Variants in NRXN1 observed in about 807,000 individuals in gnomAD.
NRXN1 encodes neurexin-1.
A neutral mutation model predicts 150.9 loss-of-function variants in NRXN1; 39 were observed. The ratio of observed to expected loss-of-function variants is 0.26; its 90% CI spans 0.20 to 0.34. NRXN1 has a LOEUF of 0.34. Among genes scored for constraint, NRXN1 ranks in the 10% least tolerant of loss-of-function variants. The probability of loss-of-function intolerance (pLI) is 1.00; values close to 1 mark genes in which losing one functional copy is unlikely to be tolerated. For synonymous variants in NRXN1, 924 were observed against 757.0 expected (o/e 1.22, Z -3.62); for missense variants, 1,815 against 1,949.9 (o/e 0.93, Z 1.30).
At chr2:50,636,849 A>C (rs901352826) in intron 5 of NRXN1, among the ~76,000 whole-genome samples, 2 of 152,192 alleles carry the variant, frequency 1.3e-5, no homozygotes, top group Non-Finnish European at 2.9e-5. Flanking sequence ...TTTGTCCCCA[A>C]ATTTAAAGTA....
intron 17 of NRXN1, among the ~76,000 whole-genome samples, chr2:50,277,808 C>T (rs1046899511): frequency 1.3e-5 from 2 of 151,952 alleles, no homozygotes; most frequent in African/African-American, 4.8e-5. Context: ...AGGGTGCACC[C>T]ATCTTTATTT....
intron 8 of NRXN1, chr2:50,554,422 T>G (rs1173026652): frequency 6.6e-6 from 1 of 152,174 alleles, no homozygotes; most frequent in Non-Finnish European, 1.5e-5. Context: ...GGTATTGGAC[T>G]TCCTGAGTTC....
chr2:49,934,478 A>T (rs1670664881), intron 22 of NRXN1, among the ~76,000 whole-genome samples: 1 of 152,134 alleles, frequency 6.6e-6, no homozygotes. Flanking sequence ...GCTTTGGGTG[A>T]TCATCTTTAT....
rs1668173421 is a variant in NRXN1 at position 50,555,914 on chromosome 2, G to A, written c.1321-2889C>T. ...ATAAATTCCTTTTAGAACGAAGAAT[G>A]CCTGAGTTAAAACTCTCCAGAGGTT... is the stretch of plus-strand genomic sequence containing the variant. On this transcript the variant is annotated intron_variant, in intron 8 of 22. Transcript: ENST00000401669. Among the ~76,000 whole-genome samples, 3 of 152,156 alleles carry A rather than the reference G, an allele frequency of 2.0e-5. 1 individual carries two copies. The South Asian group carries it at 6.2e-4, about 31-fold the overall frequency.
chr2:50,533,025 T>C (rs1394792618), intron 10 of NRXN1, among the ~76,000 whole-genome samples: 2 of 152,310 alleles, frequency 1.3e-5, no homozygotes, highest in Non-Finnish European at 2.9e-5. Flanking sequence ...ATTAGGACTA[T>C]ATTTAGAGTT....
At chr2:50,067,185 T>C (rs1664218244) in intron 19 of NRXN1, among the ~76,000 whole-genome samples, 1 of 152,216 alleles carries the variant, frequency 6.6e-6, no homozygotes, top group South Asian at 2.1e-4. Flanking sequence ...CAGAGTTCAA[T>C]GGTGCTTTGG....
intron 17 of NRXN1, among the ~76,000 whole-genome samples, chr2:50,252,233 C>CTTTTTTTTTTTTTTTT (rs55993018): frequency 2.1e-5 from 2 of 94,914 alleles, no homozygotes; most frequent in African/African-American, 4.2e-5. Flanking sequence ...ACATTTTGTC[C>CTTTTTTTTTTTTTTTT]TTTTTTTTTT....
intron 18 of NRXN1, among the ~76,000 whole-genome samples, chr2:50,225,402 T>C (rs1157283656): frequency 1.3e-5 from 2 of 151,986 alleles, no homozygotes; most frequent in Non-Finnish European, 2.9e-5. Flanking sequence ...ATACATAGTA[T>C]TATACATTGT....
At chr2:50,921,980 C>T (rs1686111891) in intron 4 of NRXN1, 100 bp from the exon 5 acceptor site, 1 of 565,052 alleles carries the variant, frequency 1.8e-6, no homozygotes, top group East Asian at 3.2e-5. Flanking sequence ...TATGTAAAGC[C>T]ACTACTCTCT....
intron 17 of NRXN1, among the ~76,000 whole-genome samples, chr2:50,239,436 T>C (rs1477735552): frequency 6.6e-6 from 1 of 150,962 alleles, no homozygotes; most frequent in Admixed American, 6.7e-5. Flanking sequence ...ATTATATAAG[T>C]GTGAGGTAAG....
chr2:50,057,083 T>A (rs569628530), intron 19 of NRXN1, among the ~76,000 whole-genome samples: 14 of 152,298 alleles, frequency 9.2e-5, no homozygotes, highest in African/African-American at 3.4e-4. Flanking sequence ...ATTTTCCATA[T>A]AAGCCAATAT....
intron 17 of NRXN1, among the ~76,000 whole-genome samples, chr2:50,355,522 T>G (rs964693316): frequency 2.0e-5 from 3 of 152,074 alleles, no homozygotes; most frequent in African/African-American, 7.2e-5. Context: ...GCCACATGAA[T>G]TTCTCACTCT....
In NRXN1 at chr2:50,950,921, T is replaced by C. The variant is rs947868256; in HGVS notation, c.773-24966A>G. On this transcript the variant is annotated intron_variant, in intron 2 of 22. Transcript: ENST00000401669. ...GAGAGTTCTAGTCTGTAATCAGTGGTCAGTGAAATTATGTCATGGCTGTTT... is the reference window on the plus strand; with the variant it reads ...GAGAGTTCTAGTCTGTAATCAGTGGCCAGTGAAATTATGTCATGGCTGTTT... Among the ~76,000 whole-genome samples the C allele has an allele frequency of 2.6e-5, 4 of 152,310 alleles. No homozygotes were observed. The East Asian group carries it at 7.7e-4, about 29-fold the overall frequency.
chr2:49,935,892 C>T (rs1352667829), intron 22 of NRXN1, among the ~76,000 whole-genome samples: 1 of 152,202 alleles, frequency 6.6e-6, no homozygotes, highest in Non-Finnish European at 1.5e-5. Context: ...GTGCTACATT[C>T]CTCCCTTCAA....
rs1407147470 is a variant in NRXN1, at chr2:50,627,394, T to TGC, written c.833-3781_833-3780dup. Among the ~76,000 whole-genome samples the TGC allele has an allele frequency of 8.6e-4, 100 of 115,906 alleles. 1 individual carries two copies. Among genetic ancestry groups the TGC allele is most frequent in the South Asian group, 6.3e-3 (22 of 3,496 alleles). 76.0% of individuals were successfully genotyped at this position (115,906 alleles called of 152,430 possible). ...GTGTGTGTGTGTGTGTGTGTGTGTG[T>TGC]GCGCATACTAATAATTATATATGAA... On this transcript the variant is annotated intron_variant, in intron 5 of 22. Transcript: ENST00000401669.
chr2:50,948,644 T>C lies in NRXN1; in HGVS notation c.773-22689A>G, dbSNP rs543338510. Reference sequence around the variant, plus strand: ...CTAATACATACTGCCCCATTTAATCTTAGAGTAGGCTTCTAAAATAATAGT... The same window carrying C: ...CTAATACATACTGCCCCATTTAATCCTAGAGTAGGCTTCTAAAATAATAGT... On this transcript the variant is annotated intron_variant, in intron 2 of 22. Coordinates refer to ENST00000401669, the MANE Select transcript of NRXN1 (RefSeq NM_001330078.2). Among the ~76,000 whole-genome samples, 12 of 152,128 alleles carry C rather than the reference T, an allele frequency of 7.9e-5. No individual in the cohort carries two copies. In the East Asian group the frequency reaches 2.3e-3, roughly 29 times the overall value.
chr2:50,990,038 C>T (rs907819501), intron 2 of NRXN1, among the ~76,000 whole-genome samples: 8 of 151,930 alleles, frequency 5.3e-5, no homozygotes, highest in African/African-American at 1.9e-4. Flanking sequence ...TGTGGTAGCT[C>T]ATTGTGACTT....
chr2:50,594,247 C>T (rs1047804950), intron 8 of NRXN1, among the ~76,000 whole-genome samples: 1 of 152,154 alleles, frequency 6.6e-6, no homozygotes, highest in Non-Finnish European at 1.5e-5. Flanking sequence ...TATTCCCATA[C>T]GGAAAATGTA....
At chr2:50,012,353 A>G (rs369764840) in intron 21 of NRXN1, among the ~76,000 whole-genome samples, 44 of 152,260 alleles carry the variant, frequency 2.9e-4, no homozygotes, top group African/African-American at 1.0e-3. Flanking sequence ...TAGTGTATAG[A>G]TTAGCATACT....
Sources: allele counts gnomAD v4.1 joint callset (sites outside exome capture counted in the v4.1 genomes callset), GRCh38; gene constraint gnomAD v4.1.1; transcripts MANE v1.5; gene names NCBI Gene and HGNC (gene_info 2026-07-23, HGNC 2026-07-21).